The following MICAL2 variants were observed in gnomAD, a reference collection of about 807,000 sequenced individuals.
MICAL2 encodes the protein microtubule associated monooxygenase, calponin and LIM domain containing 2.
In MICAL2, 77 loss-of-function variants were observed where a neutral mutation model predicts 127.3. The observed-to-expected ratio is 0.60, with a 90% CI of 0.50 to 0.73. MICAL2 has a LOEUF of 0.73. Among genes scored for constraint, MICAL2 ranks in the 30% least tolerant of loss-of-function variants. The pLI, the probability that MICAL2 is intolerant of heterozygous loss-of-function variation, is 0.00. For synonymous variants in MICAL2, 570 were observed against 551.1 expected, an observed-to-expected ratio of 1.03 and a Z score of -0.48; for missense variants, 1,351 against 1,434.4, an observed-to-expected ratio of 0.94 and a Z score of 0.94.
chr11:12,280,591 C>A (rs902944035), intron 1 of MICAL2, among the ~76,000 whole-genome samples: 1 of 152,218 alleles, frequency 6.6e-6, no homozygotes, highest in African/African-American at 2.4e-5. Context: ...TGTTTTCCTT[C>A]TGTGCCTGTG....
chr11:12,116,276 C>A (rs550586702), intron 1 of MICAL2, among the ~76,000 whole-genome samples: 2 of 151,220 alleles, frequency 1.3e-5, no homozygotes, highest in Non-Finnish European at 2.9e-5. Context: ...CTGCGCCTGG[C>A]CCCTCTTTCC....
rs1209143195 is a variant in MICAL2, at chr11:12,207,956, A to G, written c.473-67A>G. On this transcript the variant is annotated intron_variant, in intron 4 of 27. Coordinates refer to ENST00000683283, the MANE Select transcript of MICAL2 (RefSeq NM_001282663.2). ...GGTCACTGAGCGGCAGTGATTATGT[A>G]GCATTCTGCATATAGGTGGTGTTCA... 5.0e-6 allele frequency: 6 copies of G among 1,196,212 alleles called. No homozygotes were observed. The East Asian group carries it at 1.2e-4, about 23-fold the overall frequency. The allele number at this position is 1,196,212 out of a possible 1,614,324, so 74.1% of individuals were successfully genotyped here.
chr11:12,269,344 T>C (rs895654285), intron 24 of MICAL2, among the ~76,000 whole-genome samples: 2 of 152,122 alleles, frequency 1.3e-5, no homozygotes, highest in Non-Finnish European at 2.9e-5. Context: ...AGCTGAAGGC[T>C]CACAGCTGGC....
chr11:12,223,559 G>A (rs768770739), intron 12 of MICAL2, 58 bp downstream of exon 12: 43 of 1,473,110 alleles, frequency 2.9e-5, no homozygotes, highest in Non-Finnish European at 3.9e-5. Context: ...AGGGGAGGAG[G>A]ACTGCTCAGT....
chr11:12,344,476 T>G lies in MICAL2; in HGVS notation c.5516-5362T>G, dbSNP rs1219264802. Among the ~76,000 whole-genome samples the G allele has an allele frequency of 9.9e-3, 884 of 89,614 alleles. 7 individuals are homozygous for G. Among genetic ancestry groups the G allele is most frequent in the African/African-American group, 0.021 (285 of 13,740 alleles). 58.8% of individuals were successfully genotyped at this position (89,614 alleles called of 152,430 possible). A position where few individuals can be genotyped will look rare whatever the true frequency, so the allele number is the denominator to read the frequency against. ...TCCTTGTCAAAATTCTAGAAACTAT[T>G]ATTATTATTATTATTATTATTATTA... is the stretch of plus-strand genomic sequence containing the variant. On this transcript the variant is annotated intron_variant, in intron 32 of 34. Coordinates refer to the MICAL2 transcript ENST00000646065.
intron 18 of MICAL2, 47 bp downstream of exon 18, chr11:12,241,209 C>A: frequency 6.3e-7 from 1 of 1,586,382 alleles, no homozygotes; most frequent in East Asian, 2.3e-5. Flanking sequence ...CCAGAGGGGA[C>A]TTTGATCCAG....
chr11:12,241,513 A>G (rs956054238), intron 18 of MICAL2, among the ~76,000 whole-genome samples: 2 of 152,220 alleles, frequency 1.3e-5, no homozygotes, highest in African/African-American at 4.8e-5. Context: ...TCAATGAAAA[A>G]GTGATGTTGG....
At chr11:12,336,526 G>A (rs997642654) in intron 32 of MICAL2, among the ~76,000 whole-genome samples, 1 of 152,252 alleles carries the variant, frequency 6.6e-6, no homozygotes, top group Non-Finnish European at 1.5e-5. Context: ...TCCCTGTCTT[G>A]TGCCAGTTTT....
At chr11:12,342,631 T>A (rs1456778530) in intron 32 of MICAL2, among the ~76,000 whole-genome samples, 1 of 152,246 alleles carries the variant, frequency 6.6e-6, no homozygotes, top group Non-Finnish European at 1.5e-5. Flanking sequence ...ACTGAGTGTT[T>A]ACTATGTGCC....
At chr11:12,262,667 G>A (rs1863289754) in intron 27 of MICAL2, 130 bp downstream of exon 27, 1 of 797,186 alleles carries the variant, frequency 1.3e-6, no homozygotes, top group African/African-American at 1.7e-5. Flanking sequence ...GGACTCATTT[G>A]GTGGCATGGT....
intron 16 of MICAL2, among the ~76,000 whole-genome samples, chr11:12,238,100 A>T (rs200102037): frequency 1.3e-3 from 149 of 112,640 alleles, no homozygotes; most frequent in East Asian, 8.5e-3. Context: ...GGATCTTTTT[A>T]AAAAAAAATT....
chr11:12,300,816 T>C (rs1590728668), intron 29 of MICAL2, among the ~76,000 whole-genome samples: 1 of 152,272 alleles, frequency 6.6e-6, no homozygotes, highest in East Asian at 1.9e-4. Flanking sequence ...TACAGAACTG[T>C]AAGATAATAA....
chr11:12,318,375 T>C (rs1864254576), intron 29 of MICAL2, among the ~76,000 whole-genome samples: 1 of 152,252 alleles, frequency 6.6e-6, no homozygotes, highest in South Asian at 2.1e-4. Context: ...TACTGCTCTC[T>C]GATTCTATCT....
At chr11:12,130,332 G>A (rs1590009169) in intron 1 of MICAL2, among the ~76,000 whole-genome samples, 1 of 152,328 alleles carries the variant, frequency 6.6e-6, no homozygotes, top group East Asian at 1.9e-4. Flanking sequence ...CTGAGGTGTA[G>A]AGCCCAGAAT....
chr11:12,293,227 G>A (rs549801781), downstream of MICAL2, among the ~76,000 whole-genome samples: 2 of 152,132 alleles, frequency 1.3e-5, no homozygotes, highest in Non-Finnish European at 2.9e-5. Flanking sequence ...CAGAGGCCCA[G>A]CCAGTCCTAC....
At chr11:12,139,072 G>C (rs943923105) in intron 2 of MICAL2, among the ~76,000 whole-genome samples, 1 of 152,114 alleles carries the variant, frequency 6.6e-6, no homozygotes, top group African/African-American at 2.4e-5. Flanking sequence ...AGGTTGTTTA[G>C]AGTAAACCCC....
chr11:12,118,594 AT>A (rs1419580050), intron 1 of MICAL2, among the ~76,000 whole-genome samples: 1 of 152,034 alleles, frequency 6.6e-6, no homozygotes, highest in African/African-American at 2.4e-5. Flanking sequence ...CTTGTGTTCG[AT>A]TTGGGGGTTC....
intron 1 of MICAL2, among the ~76,000 whole-genome samples, chr11:12,134,826 CA>C (rs5789713): frequency 0.089 from 13,325 of 149,794 alleles, 1,249 homozygotes; most frequent in African/African-American, 0.23. Flanking sequence ...CTTGTCTCTA[CA>C]AAAAAAAAAT....
intron 32 of MICAL2, among the ~76,000 whole-genome samples, chr11:12,337,061 C>G (rs1015987921): frequency 6.6e-6 from 1 of 152,142 alleles, no homozygotes; most frequent in Non-Finnish European, 1.5e-5. Flanking sequence ...TGGTAGAATT[C>G]GGCTGTGAAT....
Sources: allele counts gnomAD v4.1 joint callset (sites outside exome capture counted in the v4.1 genomes callset), GRCh38; gene constraint gnomAD v4.1.1; transcripts MANE v1.5; gene names NCBI Gene and HGNC (gene_info 2026-07-23, HGNC 2026-07-21).